The following CACNA1S variants were observed in gnomAD, a reference collection of about 807,000 sequenced individuals.
The protein encoded by CACNA1S is voltage-dependent L-type calcium channel subunit alpha-1S.
CACNA1S carries 126 observed loss-of-function variants against 207.4 expected under a neutral mutation model. The observed-to-expected ratio is 0.61, with a 90% confidence interval of 0.53 to 0.70. The LOEUF (loss-of-function observed/expected upper bound fraction) is 0.70, where lower values mean the gene tolerates loss of function less well. Among genes scored for constraint, CACNA1S ranks in the 30% least tolerant of loss-of-function variants. The pLI is 0.00. For synonymous variants in CACNA1S, 960 were observed against 932.7 expected (o/e 1.03, Z -0.53); for missense variants, 2,349 against 2,422.8 (o/e 0.97, Z 0.64).
chr1:201,062,360 T>A (rs1661079758), intron 23 of CACNA1S, 102 bp downstream of exon 23: 1 of 1,216,196 alleles, frequency 8.2e-7, no homozygotes, highest in Non-Finnish European at 1.2e-6. Context: ...CCACACTCCC[T>A]GCCCCGTGAC....
intron 26 of CACNA1S, among the ~76,000 whole-genome samples, chr1:201,060,449 A>G (rs546881266): frequency 6.6e-6 from 1 of 152,156 alleles, no homozygotes; most frequent in Non-Finnish European, 1.5e-5. Flanking sequence ...TACTATTTTT[A>G]TGCTTGAATT....
intron 26 of CACNA1S, 52 bp downstream of exon 26, chr1:201,060,606 C>T: frequency 6.2e-7 from 1 of 1,607,422 alleles, no homozygotes; most frequent in Non-Finnish European, 8.5e-7. Flanking sequence ...CTGCCCTACC[C>T]AAGGCCCAGG....
chr1:201,052,400 C>T (rs1660684583), intron 32 of CACNA1S, among the ~76,000 whole-genome samples, 157 bp downstream of exon 32: 1 of 152,124 alleles, frequency 6.6e-6, no homozygotes, highest in Non-Finnish European at 1.5e-5. Context: ...GACGGCAGAG[C>T]ATGCAACCAA....
In CACNA1S at chr1:201,086,279, G is replaced by T. The variant is rs377622376; in HGVS notation, c.1005-698C>A. On this transcript the variant is annotated intron_variant, in intron 7 of 43. Transcript: ENST00000362061. ...AGTTTGTGCCATGGACCCTTTGAAA[G>T]TCCAGTTAAGCCTATGGATCTCTCT... Among the ~76,000 whole-genome samples the T allele has an allele frequency of 1.8e-3, 270 of 152,378 alleles. 8 individuals carry two copies. In the South Asian group the frequency reaches 0.054, roughly 30 times the overall value.
At position 201,091,711 on chromosome 1, in the gene CACNA1S, A is replaced by G. The variant is rs1438958807; in HGVS notation, c.623T>C (p.Ile208Thr). 1 of 1,614,130 alleles carries G rather than the reference A, an allele frequency of 6.2e-7. No individual in the cohort carries two copies. Among genetic ancestry groups the G allele is most frequent in the East Asian group, 2.2e-5 (1 of 44,880 alleles). Residue 208 changes from isoleucine (I) to threonine (T), a missense_variant, in exon 5 of 44, where the codon ATC (isoleucine) becomes ACC (threonine). Coordinates refer to ENST00000362061, the MANE Select transcript of CACNA1S (RefSeq NM_000069.3). ...HIALLVLFMVIIYAIIGLELF... is the reference protein window; with the variant it reads ...HIALLVLFMVTIYAIIGLELF... ...CTCCAGCCCGATGATGGCATAGATGATGACCATAAAGAGGACCAGCAGGGC... is the reference window on the plus strand; with the variant it reads ...CTCCAGCCCGATGATGGCATAGATGGTGACCATAAAGAGGACCAGCAGGGC...
intron 10 of CACNA1S, among the ~76,000 whole-genome samples, chr1:201,081,654 C>A (rs1281272103): frequency 1.3e-5 from 2 of 152,246 alleles, no homozygotes; most frequent in African/African-American, 4.8e-5. Context: ...GGATAGACAG[C>A]CCTGCCCAAA....
intron 41 of CACNA1S, 146 bp from the exon 42 acceptor site, chr1:201,040,859 C>A: frequency 1.5e-6 from 1 of 678,574 alleles, no homozygotes. Context: ...AGAGGGTGGA[C>A]ACATGATGAG....
rs964133714 is a variant in CACNA1S, at chr1:201,048,589, C to T, written c.4434G>A (p.Lys1478=). The T allele has an allele frequency of 6.2e-7, 1 of 1,613,416 alleles. No individual in the cohort carries two copies. Residue 1478 remains lysine, a synonymous_variant, in exon 36 of 44, where the codon AAG becomes AAA. Transcript: ENST00000362061. Reference sequence around the variant, plus strand: ...ATTGGAAGGCACTCTCACCTTCCGTCTTGATCTTGAGTGCCGTGCGGACCA... The same window carrying T: ...ATTGGAAGGCACTCTCACCTTCCGTTTTGATCTTGAGTGCCGTGCGGACCA... ...FALVRTALKI[K]TEGNFEQANE...
At chr1:201,056,239 G>T (rs1258492669) in intron 28 of CACNA1S, among the ~76,000 whole-genome samples, 2 of 152,134 alleles carry the variant, frequency 1.3e-5, no homozygotes, top group Non-Finnish European at 2.9e-5. Flanking sequence ...CCCTCCCCTA[G>T]CACATCAGAC....
At chr1:201,104,636 A>T (rs1049533069) in intron 2 of CACNA1S, among the ~76,000 whole-genome samples, 1 of 152,192 alleles carries the variant, frequency 6.6e-6, no homozygotes, top group Non-Finnish European at 1.5e-5. Context: ...AATCTTTGAT[A>T]TGTGTTCCTT....
intron 2 of CACNA1S, among the ~76,000 whole-genome samples, chr1:201,104,873 A>G (rs1662817235): frequency 6.6e-6 from 1 of 152,232 alleles, no homozygotes; most frequent in African/African-American, 2.4e-5. Flanking sequence ...CTGCCCACAG[A>G]GCCACCTGGG....
At chr1:201,044,992 A>T (rs763268559) in intron 38 of CACNA1S, among the ~76,000 whole-genome samples, 48 of 152,014 alleles carry the variant, frequency 3.2e-4, no homozygotes, top group Middle Eastern at 3.4e-3. Context: ...TCATCTCTTG[A>T]CCCCATGGGT....
At position 201,093,989 on chromosome 1, in the gene CACNA1S, G is replaced by A; in HGVS notation, c.291C>T (p.Phe97=). Residue 97 remains phenylalanine (F), a synonymous_variant, in exon 3 of 44, where the codon TTC becomes TTT. Coordinates refer to ENST00000362061, the MANE Select transcript of CACNA1S (RefSeq NM_000069.3). Reference sequence around the variant, plus strand: ...TGATCTTCATGGCGGCTTCAATCGAGAAGACAATGAGGAAGAAATACTCCA... The same window carrying A: ...TGATCTTCATGGCGGCTTCAATCGAAAAGACAATGAGGAAGAAATACTCCA... ...EKLEYFFLIV[F]SIEAAMKIIA... The A allele has an allele frequency of 6.2e-7, 1 of 1,614,224 alleles. No individual in the cohort carries two copies. The highest frequency in any genetic ancestry group is 8.5e-7 in the Non-Finnish European group (1 of 1,180,056).
intron 2 of CACNA1S, among the ~76,000 whole-genome samples, chr1:201,098,609 T>C (rs1662523434): frequency 1.3e-5 from 2 of 152,216 alleles, no homozygotes; most frequent in South Asian, 2.1e-4. Context: ...TCAGGCTATG[T>C]TTGTTGAATA....
At chr1:201,040,138 C>A in intron 43 of CACNA1S, 56 bp from the exon 44 acceptor site, 1 of 1,612,068 alleles carries the variant, frequency 6.2e-7, no homozygotes, top group South Asian at 1.1e-5. Flanking sequence ...CATTTGGGGA[C>A]CTGCCTCTGT....
Position 201,061,257 on chromosome 1 carries a change from G to C in CACNA1S, c.3255+10C>G. ...CTCTGCCCTCCACCTCTGGCAGGCA[G>C]CCCAGGCACCTGGTTCTTGTCCAGC... is the stretch of plus-strand genomic sequence containing the variant. On this transcript the variant is annotated intron_variant, in intron 25 of 43. Transcript: ENST00000362061. 1 of 1,613,258 alleles carries C rather than the reference G, an allele frequency of 6.2e-7. No homozygotes were observed. Among genetic ancestry groups the C allele is most frequent in the Non-Finnish European group, 8.5e-7 (1 of 1,179,218 alleles).
Position 201,085,042 on chromosome 1 carries a change from G to T in CACNA1S, c.1151-11C>A, listed in dbSNP as rs1466916514. ...CCAAAGACAGTTTTCCTGGAGACAG[G>T]AGAGAAAGAGTCAGCCAGCCTTCGG... On this transcript the variant is annotated splice_polypyrimidine_tract_variant and intron_variant, in intron 8 of 43. Transcript: ENST00000362061. 1 of 1,603,600 alleles carries T rather than the reference G, an allele frequency of 6.2e-7. No individual in the cohort carries two copies. Among genetic ancestry groups the T allele is most frequent in the Middle Eastern group, 1.8e-4 (1 of 5,672 alleles).
intron 4 of CACNA1S, 70 bp from the exon 5 acceptor site, chr1:201,091,862 A>G (rs2102164286): frequency 6.3e-7 from 1 of 1,594,540 alleles, no homozygotes; most frequent in Middle Eastern, 1.8e-4. Context: ...CCCTCCCTAT[A>G]AATCCTGGGA....
At chr1:201,076,573 A>G (rs1373822145) in intron 12 of CACNA1S, among the ~76,000 whole-genome samples, 1 of 152,202 alleles carries the variant, frequency 6.6e-6, no homozygotes, top group Non-Finnish European at 1.5e-5. Context: ...AGCTCCCCTT[A>G]TCTGACTTTG....
Sources: gnomAD v4.1 joint callset for allele counts (sites outside exome capture counted in the v4.1 genomes callset) on GRCh38, gnomAD v4.1.1 for gene constraint, MANE v1.5 for transcripts, NCBI Gene and HGNC (gene_info 2026-07-23, HGNC 2026-07-21) for gene names.